Variants in RNF144B observed in about 807,000 individuals in gnomAD.
RNF144B encodes the protein E3 ubiquitin-protein ligase RNF144B.
A neutral mutation model predicts 40.2 loss-of-function variants in RNF144B; 25 were observed. The ratio of observed to expected loss-of-function variants is 0.62; its 90% confidence interval spans 0.45 to 0.87. The LOEUF (loss-of-function observed/expected upper bound fraction) is 0.87, where lower values mean the gene tolerates loss of function less well. RNF144B is among the 40% of genes least tolerant of loss of function. The probability of loss-of-function intolerance (pLI) is 0.00; values close to 1 mark genes in which losing one functional copy is unlikely to be tolerated. For synonymous variants in RNF144B, 145 were observed against 136.3 expected (o/e 1.06, Z -0.44); for missense variants, 365 against 373.7 (o/e 0.98, Z 0.19).
chr6:18,436,164 C>G (rs560447495), intron 3 of RNF144B, among the ~76,000 whole-genome samples: 1 of 152,090 alleles, frequency 6.6e-6, no homozygotes, highest in Admixed American at 6.5e-5. Flanking sequence ...AAATTCATAA[C>G]CTGAATCTAA....
Position 18,456,402 on chromosome 6 carries a change from A to G in RNF144B, c.332-753A>G, listed in dbSNP as rs754203449. 3.3e-5 allele frequency among the ~76,000 whole-genome samples: 5 copies of G among 152,210 alleles called. No homozygotes were observed. The highest frequency in any genetic ancestry group is 1.3e-4 in the Admixed American group (2 of 15,276). On this transcript the variant is annotated intron_variant, in intron 4 of 7. Transcript: ENST00000259939. The surrounding 1 kb of genome is among the most constrained non-coding windows in gnomAD (Gnocchi z 4.7). ...CTGGGAATGTGGAAGAAACCTCACT[A>G]TCTGTTTCTCAGTGCCTGAAAGGAC...
intron 2 of RNF144B, among the ~76,000 whole-genome samples, chr6:18,403,464 A>T (rs1052742335): frequency 6.6e-6 from 1 of 152,250 alleles, no homozygotes; most frequent in Non-Finnish European, 1.5e-5. Context: ...AAGAAAATAA[A>T]GTCCAGCCAT....
chr6:18,393,479 C>T (rs1794627990), intron 1 of RNF144B, among the ~76,000 whole-genome samples: 1 of 152,216 alleles, frequency 6.6e-6, no homozygotes, highest in Admixed American at 6.5e-5. Flanking sequence ...TGATAATGCT[C>T]AGCACTTTAC....
chr6:18,405,276 T>G lies in RNF144B; in HGVS notation c.165+5577T>G, dbSNP rs1794879803. Among the ~76,000 whole-genome samples, 1 of 152,030 alleles carries G rather than the reference T, an allele frequency of 6.6e-6. No homozygotes were observed. The highest frequency in any genetic ancestry group is 1.5e-5 in the Non-Finnish European group (1 of 67,962). On this transcript the variant is annotated intron_variant, in intron 2 of 7. Transcript: ENST00000259939. The surrounding 1 kb of genome is among the most constrained non-coding windows in gnomAD (Gnocchi z 4.5). The stretch of plus-strand genomic sequence containing the variant: ...GTAACTTCCGCCTCCCGGGTTCAAG[T>G]GGTTCTCCTGCCTCAGCCTCCGGAG...
chr6:18,463,357 T>C lies in RNF144B; in HGVS notation c.748T>C (p.Ser250Pro). 2 of 1,610,166 alleles carry C rather than the reference T, an allele frequency of 1.2e-6. No homozygotes were observed. The highest frequency in any genetic ancestry group is 1.7e-6 in the Non-Finnish European group (2 of 1,176,430). Residue 250 changes from serine to proline, a missense_variant, in exon 7 of 8, where the codon TCA becomes CCA. Transcript: ENST00000259939. Reference protein sequence around the residue: ...CRNKLGHSRASVMWNRTQVVG... With the variant: ...CRNKLGHSRAPVMWNRTQVVG... ...GAATAAACTTGGCCACTCAAGAGCA[T>C]CAGTGATGTGGAACCGAACACAGGT...
rs560605719 is a variant in RNF144B, at chr6:18,408,787, A to T, written c.165+9088A>T. Among the ~76,000 whole-genome samples, 3 of 152,236 alleles carry T rather than the reference A, an allele frequency of 2.0e-5. No individual in the cohort carries two copies. The South Asian group carries it at 6.2e-4, about 32-fold the overall frequency. On this transcript the variant is annotated intron_variant, in intron 2 of 7. Coordinates refer to ENST00000259939, the MANE Select transcript of RNF144B (RefSeq NM_182757.4). ...ACTTCTATTCTCCTTACTTCCTTATAGGCATGACTTTGGTGAGAGTATACC... is the reference window on the plus strand; with the variant it reads ...ACTTCTATTCTCCTTACTTCCTTATTGGCATGACTTTGGTGAGAGTATACC...
rs1438484046 is a variant in RNF144B at position 18,450,068 on chromosome 6, C to T, written c.332-7087C>T. Among the ~76,000 whole-genome samples, 1 of 152,180 alleles carries T rather than the reference C, an allele frequency of 6.6e-6. No individual in the cohort carries two copies. Among genetic ancestry groups the T allele is most frequent in the Non-Finnish European group, 1.5e-5 (1 of 68,032 alleles). On this transcript the variant is annotated intron_variant, in intron 4 of 7. Transcript: ENST00000259939. This position sits in a 1 kb window ranked among gnomAD's most constrained non-coding sequence, Gnocchi z 4.7. ...ATTTCTATAAATGATCTGTGTGTAG[C>T]TGTTTGACTGTAAGGGATAAGTCAG... is the stretch of plus-strand genomic sequence containing the variant.
At chr6:18,430,804 T>G (rs1763209502) in intron 3 of RNF144B, among the ~76,000 whole-genome samples, 1 of 152,044 alleles carries the variant, frequency 6.6e-6, no homozygotes, top group African/African-American at 2.4e-5. Flanking sequence ...CATTTTCTCT[T>G]TGTATTTCCC....
At chr6:18,391,967 C>T (rs746908932) in intron 1 of RNF144B, among the ~76,000 whole-genome samples, 16 of 140,154 alleles carry the variant, frequency 1.1e-4, no homozygotes, top group South Asian at 4.7e-4. Context: ...GGGAGGCCGA[C>T]GCGGGAGGAT....
chr6:18,388,024 T>C (rs1430881591), intron 1 of RNF144B, among the ~76,000 whole-genome samples: 1 of 152,256 alleles, frequency 6.6e-6, no homozygotes, highest in East Asian at 1.9e-4. Flanking sequence ...ACGAGAGCCA[T>C]TCTCAAATTT....
chr6:18,388,944 T>C (rs767251169), intron 1 of RNF144B, among the ~76,000 whole-genome samples: 8 of 152,106 alleles, frequency 5.3e-5, no homozygotes, highest in Non-Finnish European at 2.9e-5. Context: ...GTGAAAAAGA[T>C]GTTGAGTAGT....
rs897789055 is a variant in RNF144B, at chr6:18,427,807, A to G, written c.270+122A>G. ...GAAAATACAGAGGTTAACTTTTTAA[A>G]GGAGCACTTTATTGCAGCTTACCTT... On this transcript the variant is annotated intron_variant, in intron 3 of 7. Transcript: ENST00000259939. 17 of 645,410 alleles carry G rather than the reference A, an allele frequency of 2.6e-5. No individual in the cohort carries two copies. In the South Asian group the frequency reaches 3.4e-4, roughly 13 times the overall value. The allele number at this position is 645,410 out of a possible 1,614,324, so 40.0% of individuals were successfully genotyped here. A position where few individuals can be genotyped will look rare whatever the true frequency, so the allele number is the denominator to read the frequency against.
intron 4 of RNF144B, among the ~76,000 whole-genome samples, chr6:18,455,906 T>C (rs769638111): frequency 6.6e-6 from 1 of 151,894 alleles, no homozygotes; most frequent in Non-Finnish European, 1.5e-5. Flanking sequence ...TTTTTGTTTG[T>C]TTTTTGTTTT....
intron 4 of RNF144B, among the ~76,000 whole-genome samples, chr6:18,451,458 T>G (rs1407252377): frequency 6.6e-6 from 1 of 152,160 alleles, no homozygotes; most frequent in Non-Finnish European, 1.5e-5. Context: ...AACCTAGAAG[T>G]AAGACCTGGA....
At position 18,434,658 on chromosome 6, in the gene RNF144B, G is replaced by C. The variant is rs1158097906; in HGVS notation, c.271-5026G>C. Among the ~76,000 whole-genome samples, 1 of 152,098 alleles carries C rather than the reference G, an allele frequency of 6.6e-6. No homozygotes were observed. The highest frequency in any genetic ancestry group is 1.5e-5 in the Non-Finnish European group (1 of 68,026). On this transcript the variant is annotated intron_variant, in intron 3 of 7. Transcript: ENST00000259939. The surrounding 1 kb of genome is among the most constrained non-coding windows in gnomAD (Gnocchi z 4.1). The stretch of plus-strand genomic sequence containing the variant: ...GTTTTTTTAGACAGAGTCTTGCTCT[G>C]TCGCCCAGGCTGGAATGCAGTGGTG...
chr6:18,389,770 C>T (rs1794545174), intron 1 of RNF144B, among the ~76,000 whole-genome samples: 1 of 152,188 alleles, frequency 6.6e-6, no homozygotes, highest in African/African-American at 2.4e-5. Flanking sequence ...AGCTGCCAGA[C>T]AAGTCATGCT....
intron 4 of RNF144B, among the ~76,000 whole-genome samples, chr6:18,453,181 C>G (rs963573771): frequency 6.9e-6 from 1 of 145,116 alleles, no homozygotes; most frequent in South Asian, 2.2e-4. Flanking sequence ...CTCTGTTGCC[C>G]AGGCTGGAGT....
chr6:18,450,886 C>G lies in RNF144B; in HGVS notation c.332-6269C>G, dbSNP rs942738946. 1.3e-5 allele frequency among the ~76,000 whole-genome samples: 2 copies of G among 152,132 alleles called. No individual in the cohort carries two copies. Among genetic ancestry groups the G allele is most frequent in the African/African-American group, 4.8e-5 (2 of 41,418 alleles). ...GATCTGTTGATATGGTGCTTTATCT[C>G]TTTGTAATCTAATGTCATTGTGTTT... is the stretch of plus-strand genomic sequence containing the variant. On this transcript the variant is annotated intron_variant, in intron 4 of 7. Transcript: ENST00000259939. This position sits in a 1 kb window ranked among gnomAD's most constrained non-coding sequence, Gnocchi z 4.7.
chr6:18,462,548 T>C (rs1040365400), intron 6 of RNF144B, among the ~76,000 whole-genome samples: 1 of 152,196 alleles, frequency 6.6e-6, no homozygotes, highest in Admixed American at 6.5e-5. Flanking sequence ...TTCTACCCCA[T>C]GTACACCGAT....
Sources: allele counts gnomAD v4.1 joint callset (sites outside exome capture counted in the v4.1 genomes callset), GRCh38; gene constraint gnomAD v4.1.1; non-coding constraint Gnocchi (gnomAD v3.1); transcripts MANE v1.5; gene names NCBI Gene and HGNC (gene_info 2026-07-23, HGNC 2026-07-21).